Variants in RHOBTB1 observed in about 807,000 individuals in gnomAD.
RHOBTB1 encodes the protein Rho related BTB domain containing 1.
In RHOBTB1, 40 loss-of-function variants were observed where a neutral mutation model predicts 71.6. That is an observed-to-expected ratio of 0.56 (90% CI 0.43 to 0.73). The LOEUF (loss-of-function observed/expected upper bound fraction) is 0.73. RHOBTB1 is among the 30% of genes least tolerant of loss of function. The pLI is 0.00. For missense variants in RHOBTB1, 797 were observed against 894.0 expected (o/e 0.89, Z 1.38); for synonymous variants, 319 against 334.9 (o/e 0.95, Z 0.52).
chr10:60,951,826 G>A (rs1240146349), intron 2 of RHOBTB1, among the ~76,000 whole-genome samples: 1 of 152,192 alleles, frequency 6.6e-6, no homozygotes, highest in Non-Finnish European at 1.5e-5. Context: ...GGAGGCCAAG[G>A]CGGGCAGATT....
chr10:60,885,998 C>T (rs561389156), intron 7 of RHOBTB1, 114 bp downstream of exon 7: 2 of 766,442 alleles, frequency 2.6e-6, no homozygotes, highest in African/African-American at 3.4e-5. Flanking sequence ...ATGATGACCA[C>T]TCATGGAGCC....
intron 2 of RHOBTB1, among the ~76,000 whole-genome samples, chr10:60,938,508 C>G (rs1298788029): frequency 1.3e-5 from 2 of 152,198 alleles, no homozygotes; most frequent in Admixed American, 1.3e-4. Context: ...CTCCATGATT[C>G]AACTCTCTAT....
At chr10:60,982,345 G>A (rs1462567553) in intron 2 of RHOBTB1, among the ~76,000 whole-genome samples, 1 of 152,128 alleles carries the variant, frequency 6.6e-6, no homozygotes, top group Non-Finnish European at 1.5e-5. Flanking sequence ...ATACCATTTA[G>A]GTGATGTGGA....
At chr10:60,861,159 G>A in the RHOBTB1 span, among the ~76,000 whole-genome samples, 1 of 152,168 alleles carries the variant, frequency 6.6e-6, no homozygotes. Context: ...GCAAAATAGG[G>A]TGAAGATGAG....
intron 4 of RHOBTB1, among the ~76,000 whole-genome samples, chr10:60,899,451 T>C (rs1264393229): frequency 2.6e-5 from 4 of 152,218 alleles, no homozygotes; most frequent in Non-Finnish European, 5.9e-5. Context: ...AAAACTTCAG[T>C]GTCAGCTACC....
At chr10:60,923,995 C>T (rs767726418) in intron 2 of RHOBTB1, among the ~76,000 whole-genome samples, 4 of 151,468 alleles carry the variant, frequency 2.6e-5, no homozygotes, top group South Asian at 2.1e-4. Context: ...AACTGAGGAG[C>T]GGAGTGTGAT....
intron 4 of RHOBTB1, among the ~76,000 whole-genome samples, chr10:60,903,305 G>A (rs1263781453): frequency 6.6e-6 from 1 of 152,162 alleles, no homozygotes; most frequent in Non-Finnish European, 1.5e-5. Flanking sequence ...CAAGACAGGA[G>A]GCTGGGAAGG....
chr10:60,977,596 T>C (rs552563351), intron 2 of RHOBTB1, among the ~76,000 whole-genome samples: 1 of 152,116 alleles, frequency 6.6e-6, no homozygotes, highest in Non-Finnish European at 1.5e-5. Context: ...GTTCTTTTTT[T>C]ACTGTTAATA....
chr10:60,932,727 A>G (rs1250650959), intron 2 of RHOBTB1, among the ~76,000 whole-genome samples: 2 of 152,120 alleles, frequency 1.3e-5, no homozygotes, highest in Admixed American at 6.5e-5. Context: ...ACAGAATAAC[A>G]CCACTCCTTA....
intron 2 of RHOBTB1, among the ~76,000 whole-genome samples, chr10:60,963,495 CA>C (rs1379484034): frequency 6.6e-6 from 1 of 152,130 alleles, no homozygotes; most frequent in East Asian, 1.9e-4. Context: ...AATATTTAGA[CA>C]GCAACATTAC....
Position 60,888,762 on chromosome 10 carries a change from T to A in RHOBTB1, c.906A>T (p.Glu302Asp), listed in dbSNP as rs936698673. The change falls in exon 6 of 11, where the codon GAA becomes GAT. Residue 302 changes from glutamate (E) to aspartate (D), a missense_variant. Glu to Asp is a conservative substitution (Grantham distance 45, BLOSUM62 2). Coordinates refer to ENST00000337910, the MANE Select transcript of RHOBTB1 (RefSeq NM_014836.5). ...AGGCTCCTTCACTCCCATTTGGGGA[T>A]TCTTCACATTCCATTAAAAACAGAT... ...FYDLFLMECE[E>D]SPNGSEGACE... 8 of 1,614,212 alleles carry A rather than the reference T, an allele frequency of 5.0e-6. No homozygotes were observed. The African/African-American group carries it at 1.1e-4, about 22-fold the overall frequency.
chr10:60,958,643 G>T (rs1034510196), intron 2 of RHOBTB1, among the ~76,000 whole-genome samples: 3 of 152,114 alleles, frequency 2.0e-5, no homozygotes, highest in Non-Finnish European at 4.4e-5. Flanking sequence ...TCACTCGGTT[G>T]CCCATGCTGG....
chr10:60,903,759 T>C (rs1337869477), intron 4 of RHOBTB1, among the ~76,000 whole-genome samples: 1 of 152,102 alleles, frequency 6.6e-6, no homozygotes, highest in Non-Finnish European at 1.5e-5. Flanking sequence ...TGATTTTGTG[T>C]GACAGTATGA....
In RHOBTB1 at chr10:60,898,372, AG is replaced by A. The variant is rs558304409; in HGVS notation, c.297-5378del. Among the ~76,000 whole-genome samples the A allele has an allele frequency of 3.4e-4, 52 of 152,342 alleles. 1 individual carries two copies. The South Asian group carries it at 9.9e-3, about 29-fold the overall frequency. On this transcript the variant is annotated intron_variant, in intron 4 of 10. Transcript: ENST00000337910. ...ATATCTTTCATGCATATAGTCTGAC[AG>A]GGCTATGCAAACAGACAGATCAAAA... is the stretch of plus-strand genomic sequence containing the variant.
At chr10:60,903,496 C>A (rs574031225) in intron 4 of RHOBTB1, among the ~76,000 whole-genome samples, 13 of 152,276 alleles carry the variant, frequency 8.5e-5, no homozygotes, top group Admixed American at 8.5e-4. Flanking sequence ...ACCATGTTCA[C>A]CAGTTCCAGA....
upstream of RHOBTB1, among the ~76,000 whole-genome samples, chr10:60,945,878 T>C (rs761233951): frequency 1.3e-5 from 2 of 152,194 alleles, no homozygotes; most frequent in Non-Finnish European, 2.9e-5. Context: ...ATCATTTACT[T>C]GGCATAAAAC....
At position 60,870,829 on chromosome 10, in the gene RHOBTB1, A is replaced by G. The variant is rs2080743649; in HGVS notation, c.*653T>C. On this transcript the variant is annotated 3_prime_UTR_variant, in exon 11 of 11. Coordinates refer to ENST00000337910, the MANE Select transcript of RHOBTB1 (RefSeq NM_014836.5). ...TATCACTATATTTTACATGGCACAT[A>G]TAACCATATAATTACCAGCACTTAA... 2 of 152,694 alleles carry G rather than the reference A, an allele frequency of 1.3e-5. No homozygotes were observed. Among genetic ancestry groups the G allele is most frequent in the South Asian group, 2.1e-4 (1 of 4,832 alleles). The allele number at this position is 152,694 out of a possible 1,614,324, so 9.5% of individuals were successfully genotyped here.
At chr10:60,987,732 A>G (rs2086713262) in intron 1 of RHOBTB1, among the ~76,000 whole-genome samples, 1 of 152,068 alleles carries the variant, frequency 6.6e-6, no homozygotes, top group Admixed American at 6.5e-5. Flanking sequence ...TCAACAGGAT[A>G]AACTTTTCAA....
chr10:60,949,517 C>T (rs1265865611), intron 2 of RHOBTB1, among the ~76,000 whole-genome samples: 1 of 152,168 alleles, frequency 6.6e-6, no homozygotes, highest in African/African-American at 2.4e-5. Flanking sequence ...ATTTTCTTCC[C>T]ACTGTTCTGG....
Sources: gnomAD v4.1 joint callset for allele counts (sites outside exome capture counted in the v4.1 genomes callset) on GRCh38, gnomAD v4.1.1 for gene constraint, MANE v1.5 for transcripts, NCBI Gene and HGNC (gene_info 2026-07-23, HGNC 2026-07-21) for gene names.